UNC5D: variants seen among roughly 807,000 people sequenced by gnomAD.
The protein encoded by UNC5D is unc-5 netrin receptor D.
In UNC5D, 39 loss-of-function variants were observed where a neutral mutation model predicts 105.4. That is an observed-to-expected ratio of 0.37 (90% CI 0.29 to 0.48). The LOEUF (loss-of-function observed/expected upper bound fraction) is 0.48, where lower values mean the gene tolerates loss of function less well. Among genes scored for constraint, UNC5D ranks in the 20% least tolerant of loss-of-function variants. UNC5D has a pLI of 0.98. For synonymous variants in UNC5D, 452 were observed against 450.4 expected, an observed-to-expected ratio of 1.00 and a Z score of -0.04; for missense variants, 991 against 1,202.4, an observed-to-expected ratio of 0.82 and a Z score of 2.60.
intron 1 of UNC5D, among the ~76,000 whole-genome samples, chr8:35,423,319 A>G (rs1806034861): frequency 6.6e-6 from 1 of 152,158 alleles, no homozygotes; most frequent in Non-Finnish European, 1.5e-5. Context: ...GTTCTGCCCT[A>G]CAGATGCTGT....
chr8:35,707,840 T>C (rs16884280), intron 8 of UNC5D, among the ~76,000 whole-genome samples: 13,010 of 152,192 alleles, frequency 0.085, 1,219 homozygotes, highest in African/African-American at 0.22. Flanking sequence ...GGGGTTCTCG[T>C]TCCTGAGCAC....
At chr8:35,585,283 G>A (rs777746733) in intron 3 of UNC5D, among the ~76,000 whole-genome samples, 5 of 152,310 alleles carry the variant, frequency 3.3e-5, no homozygotes, top group East Asian at 1.9e-4. Context: ...CTTGAGGAGC[G>A]TCAGCATGAC....
chr8:35,422,298 A>T (rs1805965516), intron 1 of UNC5D, among the ~76,000 whole-genome samples: 1 of 152,212 alleles, frequency 6.6e-6, no homozygotes, highest in African/African-American at 2.4e-5. Flanking sequence ...ATGCTTAGAA[A>T]GAGGTTGGAG....
intron 1 of UNC5D, among the ~76,000 whole-genome samples, chr8:35,247,620 TAA>T (rs1488843436): frequency 4.6e-5 from 4 of 86,164 alleles, no homozygotes; most frequent in Admixed American, 4.0e-4. Context: ...ATATTATATA[TAA>T]AATATATATA....
At chr8:35,737,545 A>G (rs1168823924) in intron 11 of UNC5D, among the ~76,000 whole-genome samples, 1 of 152,192 alleles carries the variant, frequency 6.6e-6, no homozygotes, top group Non-Finnish European at 1.5e-5. Context: ...ATTTATAACC[A>G]GAACAAAAAA....
At chr8:35,389,738 TAAAAAA>T (rs5890808) in intron 1 of UNC5D, among the ~76,000 whole-genome samples, 1 of 126,558 alleles carries the variant, frequency 7.9e-6, no homozygotes, top group Non-Finnish European at 1.7e-5. Flanking sequence ...CTGGCTGATT[TAAAAAA>T]AAAAAAAAAA....
rs200291451 is a variant in UNC5D at position 35,549,299 on chromosome 8, C to T, written c.111C>T (p.Asp37=). 11 of 1,612,996 alleles carry T rather than the reference C, an allele frequency of 6.8e-6. No homozygotes were observed. Among genetic ancestry groups the T allele is most frequent in the African/African-American group, 2.7e-5 (2 of 75,010 alleles). The change falls in exon 2 of 17, where the codon GAC becomes GAT. Residue 37 remains aspartate (D), a synonymous_variant. Transcript: ENST00000404895. Reference sequence around the variant, plus strand: ...TCTTTTTTGATTTCACAGGAACTGACAATGGCGAAGCCCTTCCCGAATCCA... The same window carrying T: ...TCTTTTTTGATTTCACAGGAACTGATAATGGCGAAGCCCTTCCCGAATCCA... The part of the protein sequence containing the change: ...AAGTAAARGT[D]NGEALPESIP...
intron 4 of UNC5D, among the ~76,000 whole-genome samples, chr8:35,648,250 A>G (rs1245765493): frequency 6.6e-6 from 1 of 152,200 alleles, no homozygotes; most frequent in African/African-American, 2.4e-5. Context: ...CTATGTAATT[A>G]TGTGGCCTGA....
chr8:35,380,771 T>C (rs1802995709), intron 1 of UNC5D, among the ~76,000 whole-genome samples: 1 of 152,188 alleles, frequency 6.6e-6, no homozygotes, highest in Admixed American at 6.5e-5. Context: ...TCAATCTGTA[T>C]ATATTGCGCA....
chr8:35,349,098 G>A (rs1812020480), intron 1 of UNC5D, among the ~76,000 whole-genome samples: 1 of 151,878 alleles, frequency 6.6e-6, no homozygotes, highest in African/African-American at 2.4e-5. Flanking sequence ...TTTACTGTGT[G>A]ATATATTGTT....
intron 2 of UNC5D, among the ~76,000 whole-genome samples, chr8:35,565,087 G>T (rs191321724): frequency 6.6e-6 from 1 of 152,028 alleles, no homozygotes; most frequent in Non-Finnish European, 1.5e-5. Context: ...TAATGACTTC[G>T]TTTTCTTTGG....
intron 14 of UNC5D, among the ~76,000 whole-genome samples, chr8:35,765,094 G>A (rs1323599684): frequency 1.3e-5 from 2 of 152,188 alleles, no homozygotes; most frequent in African/African-American, 4.8e-5. Context: ...ATGTCCAGAA[G>A]CCCCTGCACA....
chr8:35,398,002 A>G (rs1265192351), intron 1 of UNC5D, among the ~76,000 whole-genome samples: 1 of 152,150 alleles, frequency 6.6e-6, no homozygotes, highest in African/African-American at 2.4e-5. Context: ...GTCTTCTGTC[A>G]TTTCTCCAAA....
At chr8:35,727,520 C>T (rs1398224429) in intron 10 of UNC5D, 1 of 152,198 alleles carries the variant, frequency 6.6e-6, no homozygotes, top group Non-Finnish European at 1.5e-5. Flanking sequence ...AGCTAACTGA[C>T]CCCTCTAGTA....
chr8:35,308,725 T>TA (rs1482222039), intron 1 of UNC5D, among the ~76,000 whole-genome samples: 2 of 152,176 alleles, frequency 1.3e-5, no homozygotes, highest in Non-Finnish European at 2.9e-5. Flanking sequence ...TGTGAATCAA[T>TA]AATGATTATT....
intron 1 of UNC5D, among the ~76,000 whole-genome samples, chr8:35,365,425 T>C (rs572953554): frequency 6.6e-6 from 1 of 152,022 alleles, no homozygotes; most frequent in Admixed American, 6.6e-5. Flanking sequence ...TTCCAAGATA[T>C]ATTGGTATCT....
At chr8:35,264,533 AC>A (rs1370484029) in intron 1 of UNC5D, among the ~76,000 whole-genome samples, 1 of 151,980 alleles carries the variant, frequency 6.6e-6, no homozygotes, top group Non-Finnish European at 1.5e-5. Flanking sequence ...TTCGAGACCA[AC>A]CTGACCAACA....
intron 1 of UNC5D, among the ~76,000 whole-genome samples, chr8:35,296,043 T>G (rs1585520004): frequency 6.6e-6 from 1 of 152,332 alleles, no homozygotes; most frequent in South Asian, 2.1e-4. Flanking sequence ...CATTGTAAAT[T>G]TACACAGTTC....
At chr8:35,748,814 CAAGTGTTTTATAATATCCTAAA>C in intron 12 of UNC5D, 119 bp downstream of exon 12, 1 of 1,188,954 alleles carries the variant, frequency 8.4e-7, no homozygotes, top group East Asian at 2.5e-5. Context: ...GGGTTGGTGG[CAAGTGTTTTATAATATCCTAAA>C]CATATTGGCT....
Sources: gnomAD v4.1 joint callset for allele counts (sites outside exome capture counted in the v4.1 genomes callset) on GRCh38, gnomAD v4.1.1 for gene constraint, MANE v1.5 for transcripts, NCBI Gene and HGNC (gene_info 2026-07-23, HGNC 2026-07-21) for gene names.